Variants in ZNF26 observed in about 807,000 individuals in gnomAD.
ZNF26 encodes the protein zinc finger protein 26.
Under a neutral mutation model 54.9 loss-of-function variants are expected in ZNF26, and 32 were observed. The ratio of observed to expected loss-of-function variants is 0.58; its 90% CI spans 0.44 to 0.78. ZNF26 has a LOEUF of 0.78. ZNF26 is among the 30% of genes least tolerant of loss of function. The pLI is 0.00. For synonymous variants in ZNF26, 221 were observed against 209.2 expected (o/e 1.06, Z -0.49); for missense variants, 524 against 634.0 (o/e 0.83, Z 1.86).
At chr12:132,993,378 T>C (rs998905418) in intron 1 of ZNF26, among the ~76,000 whole-genome samples, 3 of 151,974 alleles carry the variant, frequency 2.0e-5, no homozygotes, top group African/African-American at 4.8e-5. Context: ...CCATAACATA[T>C]TATTCATGGT....
At position 133,020,215 on chromosome 12, in the gene ZNF26, C is replaced by G. The variant is rs1953621457; in HGVS notation, c.*8734C>G. Reference sequence around the variant, plus strand: ...AAAAATAAAATCCTGTCATTTGCAGCAACTGGGATGGAACTGAAAGCCATT... The same window carrying G: ...AAAAATAAAATCCTGTCATTTGCAGGAACTGGGATGGAACTGAAAGCCATT... On this transcript the variant is annotated 3_prime_UTR_variant, in exon 4 of 4. Transcript: ENST00000328654. 2 of 152,086 alleles carry G rather than the reference C, an allele frequency of 1.3e-5. No homozygotes were observed. Among genetic ancestry groups the G allele is most frequent in the African/African-American group, 4.8e-5 (2 of 41,418 alleles). 9.4% of individuals were successfully genotyped at this position (152,086 alleles called of 1,614,324 possible).
Position 133,012,305 on chromosome 12 carries a change from A to G in ZNF26, c.*824A>G, listed in dbSNP as rs1378883364. 2 of 152,284 alleles carry G rather than the reference A, an allele frequency of 1.3e-5. No individual in the cohort carries two copies. Among genetic ancestry groups the G allele is most frequent in the East Asian group, 3.9e-4 (2 of 5,184 alleles). 9.4% of individuals were successfully genotyped at this position (152,284 alleles called of 1,614,324 possible). ...CTTCCTGTGGTAGTGTCTTTCAGGT[A>G]TCCGTTCCACTAGCTACAGGTGAGC... On this transcript the variant is annotated 3_prime_UTR_variant, in exon 4 of 4. Transcript: ENST00000328654.
Position 133,016,495 on chromosome 12 carries a change from ATCAGCCCTAC to A in ZNF26, c.*5017_*5026del, listed in dbSNP as rs2137273474. The A allele has an allele frequency of 6.6e-6, 1 of 151,620 alleles. No homozygotes were observed. Among genetic ancestry groups the A allele is most frequent in the Non-Finnish European group, 1.5e-5 (1 of 67,894 alleles). The allele number at this position is 151,620 out of a possible 1,614,324, so 9.4% of individuals were successfully genotyped here. ...TTGGGGCCAAAGTCTAAAATTTAAA[ATCAGCCCTAC>A]TCTGGCTGGGTGCAGTGGCTTATGC... On this transcript the variant is annotated 3_prime_UTR_variant, in exon 4 of 4. Coordinates refer to ENST00000328654, the MANE Select transcript of ZNF26 (RefSeq NM_019591.4).
chr12:132,992,523 C>G (rs1358718773), intron 1 of ZNF26, among the ~76,000 whole-genome samples: 2 of 152,034 alleles, frequency 1.3e-5, no homozygotes, highest in African/African-American at 4.8e-5. Context: ...ATTACTTCAG[C>G]GAAATTTTCA....
chr12:133,004,626 C>T (rs1953285595), intron 1 of ZNF26: 1 of 152,144 alleles, frequency 6.6e-6, no homozygotes, highest in East Asian at 1.9e-4. Context: ...ACTGGGACTA[C>T]AGGCGTGCAC....
intron 1 of ZNF26, among the ~76,000 whole-genome samples, chr12:133,003,687 T>C (rs902428699): frequency 2.0e-4 from 30 of 152,366 alleles, no homozygotes; most frequent in African/African-American, 7.2e-4. Flanking sequence ...AAATCATGTT[T>C]AGTCTCCATC....
intron 3 of ZNF26, among the ~76,000 whole-genome samples, chr12:133,009,345 T>C (rs1350996493): frequency 6.6e-6 from 1 of 152,130 alleles, no homozygotes; most frequent in East Asian, 1.9e-4. Flanking sequence ...GTAATCCCAG[T>C]ACTGTGGGAG....
intron 1 of ZNF26, among the ~76,000 whole-genome samples, chr12:132,998,650 G>C (rs1953144498): frequency 6.6e-6 from 1 of 152,176 alleles, no homozygotes; most frequent in Admixed American, 6.5e-5. Context: ...ACTTGCCACA[G>C]ATCAGGAATC....
chr12:133,007,450 C>G lies in ZNF26; in HGVS notation c.174C>G (p.Thr58=). The G allele has an allele frequency of 6.2e-7, 1 of 1,613,474 alleles. No individual in the cohort carries two copies. Among genetic ancestry groups the G allele is most frequent in the Non-Finnish European group, 8.5e-7 (1 of 1,179,618 alleles). The change falls in exon 3 of 4, where the codon ACC becomes ACG. Residue 58 remains threonine (T), a synonymous_variant. Coordinates refer to ENST00000328654, the MANE Select transcript of ZNF26 (RefSeq NM_019591.4). ...HNLISVGYHG[T]KPDLIFKLEQ... ...TCCCATCAACAGGGTATCATGGTAC[C>G]AAGCCTGACTTAATCTTCAAGTTGG...
At chr12:132,988,636 C>T (rs1952879608) in intron 1 of ZNF26, among the ~76,000 whole-genome samples, 1 of 152,112 alleles carries the variant, frequency 6.6e-6, no homozygotes, top group South Asian at 2.1e-4. Flanking sequence ...TCTGTCTGAA[C>T]TTTATAATCA....
rs1292666688 is a variant in ZNF26 at position 133,024,965 on chromosome 12, C to T, written c.*13484C>T. 1.3e-5 allele frequency: 2 copies of T among 152,170 alleles called. No individual in the cohort carries two copies. Among genetic ancestry groups the T allele is most frequent in the Admixed American group, 1.3e-4 (2 of 15,268 alleles). The allele number at this position is 152,170 out of a possible 1,614,324, so 9.4% of individuals were successfully genotyped here. On this transcript the variant is annotated 3_prime_UTR_variant, in exon 4 of 4. Coordinates refer to ENST00000328654, the MANE Select transcript of ZNF26 (RefSeq NM_019591.4). ...TAAAAAAAGATATTTGAACTCTCAA[C>T]CTTTTTGCTCAGGAAGGAGGTTGAG...
chr12:133,019,516 A>G lies in ZNF26; in HGVS notation c.*8035A>G, dbSNP rs1286896182. 1.3e-5 allele frequency: 2 copies of G among 152,190 alleles called. No individual in the cohort carries two copies. The highest frequency in any genetic ancestry group is 2.9e-5 in the Non-Finnish European group (2 of 68,038). The allele number at this position is 152,190 out of a possible 1,614,324, so 9.4% of individuals were successfully genotyped here. ...AGAAATGCAAATTAACCACAATCAG[A>G]TATCATCCCTCTTCAGTTAAAATGG... On this transcript the variant is annotated 3_prime_UTR_variant, in exon 4 of 4. Coordinates refer to ENST00000328654, the MANE Select transcript of ZNF26 (RefSeq NM_019591.4).
Position 133,015,899 on chromosome 12 carries a change from T to G in ZNF26, c.*4418T>G, listed in dbSNP as rs1251234854. ...TTATTTAGAAATTCATGCTGCATGTTTATTGATGGAATGTTTGTGTGACTC... is the reference window on the plus strand; with the variant it reads ...TTATTTAGAAATTCATGCTGCATGTGTATTGATGGAATGTTTGTGTGACTC... On this transcript the variant is annotated 3_prime_UTR_variant, in exon 4 of 4. Transcript: ENST00000328654. The G allele has an allele frequency of 6.6e-6, 1 of 152,174 alleles. No individual in the cohort carries two copies. Among genetic ancestry groups the G allele is most frequent in the Admixed American group, 6.5e-5 (1 of 15,286 alleles). The allele number at this position is 152,174 out of a possible 1,614,324, so 9.4% of individuals were successfully genotyped here.
chr12:132,996,620 T>G (rs1421373287), intron 1 of ZNF26, among the ~76,000 whole-genome samples: 2 of 152,258 alleles, frequency 1.3e-5, no homozygotes, highest in East Asian at 3.8e-4. Flanking sequence ...GGAAAATTAA[T>G]ATCTTTGCCA....
intron 3 of ZNF26, among the ~76,000 whole-genome samples, chr12:133,007,858 T>TC (rs1953366516): frequency 6.6e-6 from 1 of 152,162 alleles, no homozygotes; most frequent in Non-Finnish European, 1.5e-5. Flanking sequence ...GATTTCTTTT[T>TC]CCCCTCACTT....
In ZNF26 at chr12:133,022,083, T is replaced by G. The variant is rs1458822015; in HGVS notation, c.*10602T>G. On this transcript the variant is annotated 3_prime_UTR_variant, in exon 4 of 4. Coordinates refer to ENST00000328654, the MANE Select transcript of ZNF26 (RefSeq NM_019591.4). ...AAAATACAAAAATTAGCCAGGGTGGTGACGTGCACCTGTAATTCCAGCTAC... is the reference window on the plus strand; with the variant it reads ...AAAATACAAAAATTAGCCAGGGTGGGGACGTGCACCTGTAATTCCAGCTAC... 6.6e-6 allele frequency: 1 copy of G among 151,794 alleles called. No homozygotes were observed. The highest frequency in any genetic ancestry group is 1.5e-5 in the Non-Finnish European group (1 of 67,954). The allele number at this position is 151,794 out of a possible 1,614,324, so 9.4% of individuals were successfully genotyped here.
chr12:133,020,992 G>GGT lies in ZNF26; in HGVS notation c.*9512_*9513dup, dbSNP rs1167773642. The GGT allele has an allele frequency of 1.3e-5, 2 of 150,584 alleles. No individual in the cohort carries two copies. Among genetic ancestry groups the GGT allele is most frequent in the Non-Finnish European group, 3.0e-5 (2 of 67,020 alleles). 9.3% of individuals were successfully genotyped at this position (150,584 alleles called of 1,614,324 possible). On this transcript the variant is annotated 3_prime_UTR_variant, in exon 4 of 4. Coordinates refer to ENST00000328654, the MANE Select transcript of ZNF26 (RefSeq NM_019591.4). ...CTCTCCAAATAAGGCCTCACTCTGA[G>GGT]GTATGGAAATTAGGACCCCAACATA...
At chr12:132,987,447 A>G (rs1952848995) in intron 1 of ZNF26, among the ~76,000 whole-genome samples, 1 of 152,202 alleles carries the variant, frequency 6.6e-6, no homozygotes, top group Non-Finnish European at 1.5e-5. Context: ...CCAGTGGATC[A>G]TCGGGACTTT....
In ZNF26 at chr12:133,001,794, C is replaced by A; in HGVS notation, c.34-5248C>A. On this transcript the variant is annotated intron_variant, in intron 1 of 3. Transcript: ENST00000328654. This position sits in a 1 kb window ranked among gnomAD's most constrained non-coding sequence, Gnocchi z 4.7. ...CTGCTGAACCCTCACTCCCCAGCTG[C>A]CTTTTGAGAGTCCCGCGGCAGTCTT... The A allele has an allele frequency of 1.0e-6, 1 of 983,944 alleles. No individual in the cohort carries two copies. The highest frequency in any genetic ancestry group is 1.4e-6 in the Non-Finnish European group (1 of 712,792). The allele number at this position is 983,944 out of a possible 1,614,324, so 61.0% of individuals were successfully genotyped here. A position where few individuals can be genotyped will look rare whatever the true frequency, so the allele number is the denominator to read the frequency against.
Sources: gnomAD v4.1 joint callset for allele counts (sites outside exome capture counted in the v4.1 genomes callset) on GRCh38, gnomAD v4.1.1 for gene constraint, Gnocchi (gnomAD v3.1) non-coding constraint, MANE v1.5 for transcripts, NCBI Gene and HGNC (gene_info 2026-07-23, HGNC 2026-07-21) for gene names.